Variants in SHISA6 observed in about 807,000 individuals in gnomAD.
SHISA6 encodes the protein shisa family member 6, also known as protein shisa-6.
Under a neutral mutation model 47.9 loss-of-function variants are expected in SHISA6, and 22 were observed. The ratio of observed to expected loss-of-function variants is 0.46; its 90% CI spans 0.33 to 0.66. The LOEUF is 0.66. Among genes scored for constraint, SHISA6 ranks in the 30% least tolerant of loss-of-function variants. The pLI, the probability that SHISA6 is intolerant of heterozygous loss-of-function variation, is 0.02. For missense variants in SHISA6, 680 were observed against 764.6 expected (o/e 0.89, Z 1.30); for synonymous variants, 388 against 337.8 (o/e 1.15, Z -1.63).
At chr17:11,286,192 C>T (rs1909293028) in intron 2 of SHISA6, among the ~76,000 whole-genome samples, 1 of 152,110 alleles carries the variant, frequency 6.6e-6, no homozygotes, top group Admixed American at 6.5e-5. Context: ...GGCCTCACCC[C>T]TGCCCATCTA....
At chr17:11,317,214 T>G (rs111666254) in intron 2 of SHISA6, among the ~76,000 whole-genome samples, 3 of 152,154 alleles carry the variant, frequency 2.0e-5, no homozygotes, top group Admixed American at 6.5e-5. Context: ...TTGTCATAAT[T>G]GTAGTTTTGT....
At chr17:11,336,954 T>C (rs1454026397) in intron 2 of SHISA6, among the ~76,000 whole-genome samples, 1 of 152,162 alleles carries the variant, frequency 6.6e-6, no homozygotes, top group Non-Finnish European at 1.5e-5. Context: ...TTCAAGGAAG[T>C]TGGCATCTGT....
intron 3 of SHISA6, among the ~76,000 whole-genome samples, chr17:11,403,593 C>T (rs1913849353): frequency 6.6e-6 from 1 of 152,176 alleles, no homozygotes; most frequent in Non-Finnish European, 1.5e-5. Flanking sequence ...CAAGACTGGC[C>T]ACTGGGTGGG....
intron 3 of SHISA6, among the ~76,000 whole-genome samples, chr17:11,533,144 C>T (rs1274695436): frequency 6.6e-6 from 1 of 152,164 alleles, no homozygotes; most frequent in African/African-American, 2.4e-5. Flanking sequence ...ATTATCAGCC[C>T]TCTTTGCTTC....
intron 3 of SHISA6, among the ~76,000 whole-genome samples, chr17:11,523,399 A>G (rs2071646904): frequency 6.6e-6 from 1 of 152,234 alleles, no homozygotes; most frequent in Non-Finnish European, 1.5e-5. Context: ...AAATGCTGAA[A>G]TATCACTGCA....
At chr17:11,330,776 A>C (rs1001833337) in intron 2 of SHISA6, among the ~76,000 whole-genome samples, 5 of 147,132 alleles carry the variant, frequency 3.4e-5, no homozygotes, top group Non-Finnish European at 7.5e-5. Flanking sequence ...GTAATTTAAA[A>C]ATTATTGTAT....
At chr17:11,539,753 G>A (rs1471127964) in intron 3 of SHISA6, among the ~76,000 whole-genome samples, 1 of 152,188 alleles carries the variant, frequency 6.6e-6, no homozygotes. Context: ...TTGTGGTCTT[G>A]TCAGCATATC....
intron 2 of SHISA6, among the ~76,000 whole-genome samples, chr17:11,359,760 G>A (rs1912199794): frequency 6.6e-6 from 1 of 152,222 alleles, no homozygotes; most frequent in Admixed American, 6.5e-5. Context: ...GGCCCAAACA[G>A]TTCTCACCGG....
intron 2 of SHISA6, among the ~76,000 whole-genome samples, chr17:11,356,978 C>A (rs1359164853): frequency 6.6e-6 from 1 of 151,880 alleles, no homozygotes; most frequent in Non-Finnish European, 1.5e-5. Flanking sequence ...TGAGACCAGC[C>A]TGGCCAACAT....
intron 3 of SHISA6, among the ~76,000 whole-genome samples, chr17:11,437,926 A>G (rs1273915461): frequency 6.6e-6 from 1 of 152,112 alleles, no homozygotes. Flanking sequence ...GGGGCTGGTG[A>G]TGATGATGTT....
At chr17:11,334,034 T>C (rs1305860782) in intron 2 of SHISA6, among the ~76,000 whole-genome samples, 1 of 152,180 alleles carries the variant, frequency 6.6e-6, no homozygotes, top group East Asian at 1.9e-4. Context: ...TTTTCTCCTT[T>C]ATGATAAACT....
At chr17:11,525,823 C>A (rs550467899) in intron 3 of SHISA6, among the ~76,000 whole-genome samples, 41 of 151,452 alleles carry the variant, frequency 2.7e-4, no homozygotes, top group African/African-American at 9.0e-4. Flanking sequence ...GGCAACATGG[C>A]AAAAACCCAT....
At chr17:11,553,527 C>T (rs2071948633) in intron 4 of SHISA6, among the ~76,000 whole-genome samples, 2 of 152,158 alleles carry the variant, frequency 1.3e-5, no homozygotes, top group Admixed American at 1.3e-4. Context: ...GGTCCCTGCC[C>T]TTGAGCAGCT....
At chr17:11,345,933 A>G (rs1239228771) in intron 2 of SHISA6, among the ~76,000 whole-genome samples, 1 of 151,944 alleles carries the variant, frequency 6.6e-6, no homozygotes, top group Non-Finnish European at 1.5e-5. Context: ...CTTTCTTTCC[A>G]ATTTGCTTAT....
Position 11,242,009 on chromosome 17 carries a change from A to G in SHISA6, c.587A>G (p.Lys196Arg). ...GTCATCGTGGCCGGCGTCTTCGCCA[A>G]GGTCTCCTACGACAAGGCCCACCGC... is the stretch of plus-strand genomic sequence containing the variant. ...AFVIVAGVFA[K>R]VSYDKAHRPP... The change falls in exon 1 of 6, where the codon AAG (lysine) becomes AGG (arginine). Residue 196 changes from lysine to arginine, a missense_variant. Lys to Arg is a conservative substitution (Grantham distance 26). Coordinates refer to ENST00000441885, the MANE Select transcript of SHISA6 (RefSeq NM_207386.4). 1 of 1,551,078 alleles carries G rather than the reference A, an allele frequency of 6.4e-7. No homozygotes were observed. The highest frequency in any genetic ancestry group is 1.2e-5 in the South Asian group (1 of 84,060).
intron 2 of SHISA6, among the ~76,000 whole-genome samples, chr17:11,264,887 C>T (rs1567554526): frequency 6.6e-6 from 1 of 152,242 alleles, no homozygotes; most frequent in East Asian, 1.9e-4. Flanking sequence ...AATACAAATA[C>T]ATATACATAT....
intron 2 of SHISA6, among the ~76,000 whole-genome samples, chr17:11,343,664 G>A (rs960906173): frequency 3.3e-5 from 5 of 152,200 alleles, no homozygotes; most frequent in Admixed American, 1.3e-4. Flanking sequence ...ATGGAATGGC[G>A]GAGCAGGCTC....
Position 11,318,208 on chromosome 17 carries a change from A to G in SHISA6, c.799+54682A>G, listed in dbSNP as rs77487593. 6.7e-3 allele frequency among the ~76,000 whole-genome samples: 1,028 copies of G among 152,326 alleles called. 12 individuals are homozygous for G. The highest frequency in any genetic ancestry group is 0.023 in the African/African-American group (953 of 41,580). ...ATTATCTGAACTTCAACACTTTGAA[A>G]TCATCGTTCCATTGTTTTATGACAC... On this transcript the variant is annotated intron_variant, in intron 2 of 5. Coordinates refer to ENST00000441885, the MANE Select transcript of SHISA6 (RefSeq NM_207386.4).
At chr17:11,518,129 C>T (rs1198879688) in intron 3 of SHISA6, among the ~76,000 whole-genome samples, 1 of 152,130 alleles carries the variant, frequency 6.6e-6, no homozygotes, top group Non-Finnish European at 1.5e-5. Context: ...GTCGAGAGCA[C>T]AGGTCTAGAT....
Sources: gnomAD v4.1 joint callset for allele counts (sites outside exome capture counted in the v4.1 genomes callset) on GRCh38, gnomAD v4.1.1 for gene constraint, MANE v1.5 for transcripts, NCBI Gene and HGNC (gene_info 2026-07-23, HGNC 2026-07-21) for gene names.